Variants in FZD3 observed in about 807,000 individuals in gnomAD.
FZD3 encodes frizzled class receptor 3, also known as frizzled-3.
FZD3 carries 30 observed loss-of-function variants against 60.7 expected under a neutral mutation model. The ratio of observed to expected loss-of-function variants is 0.49; its 90% CI spans 0.37 to 0.67. FZD3 has a LOEUF of 0.67. FZD3 is among the 30% of genes least tolerant of loss of function. FZD3 has a pLI of 0.00. For synonymous variants in FZD3, 246 were observed against 275.2 expected (o/e 0.89, Z 1.05); for missense variants, 605 against 838.7 (o/e 0.72, Z 3.44).
chr8:28,539,132 T>G (rs1487663058), intron 5 of FZD3, among the ~76,000 whole-genome samples: 1 of 152,140 alleles, frequency 6.6e-6, no homozygotes, highest in African/African-American at 2.4e-5. Context: ...CCAGTATAGG[T>G]CCACACAGCA....
At chr8:28,509,271 G>T (rs919411291) in intron 3 of FZD3, among the ~76,000 whole-genome samples, 3 of 151,092 alleles carry the variant, frequency 2.0e-5, no homozygotes, top group Non-Finnish European at 3.0e-5. Flanking sequence ...CCACCTAAAG[G>T]CAGTCATTTT....
Position 28,562,931 on chromosome 8 carries a change from C to A in FZD3, c.1921C>A (p.Leu641Ile). 1 of 1,613,338 alleles carries A rather than the reference C, an allele frequency of 6.2e-7. No individual in the cohort carries two copies. Among genetic ancestry groups the A allele is most frequent in the Non-Finnish European group, 8.5e-7 (1 of 1,179,258 alleles). The change falls in exon 8 of 8, where the codon CTC becomes ATC. Residue 641 changes from leucine (L) to isoleucine (I), a missense_variant. Coordinates refer to ENST00000240093, the MANE Select transcript of FZD3 (RefSeq NM_017412.4). ...GTCACGACATAGCAGCATCAGAGAT[C>A]TCAGTAATAATCCCATGACTCATAT... The part of the protein sequence containing the change: ...EQSRHSSIRD[L>I]SNNPMTHITH...
rs543379187 is a variant in FZD3 at position 28,494,955 on chromosome 8, T to C, written c.-391+612T>C. Reference sequence around the variant, plus strand: ...CCCGTCCATCAGTTTGCAAAGTCCTTGCTCCCTTCCGCGAGCTTCCCCCGG... The same window carrying C: ...CCCGTCCATCAGTTTGCAAAGTCCTCGCTCCCTTCCGCGAGCTTCCCCCGG... On this transcript the variant is annotated intron_variant, in intron 1 of 7. Coordinates refer to ENST00000240093, the MANE Select transcript of FZD3 (RefSeq NM_017412.4). Among the ~76,000 whole-genome samples, 135 of 152,262 alleles carry C rather than the reference T, an allele frequency of 8.9e-4. 3 individuals carry two copies. Among genetic ancestry groups the C allele is most frequent in the African/African-American group, 3.2e-3 (131 of 41,554 alleles).
chr8:28,515,965 A>G (rs1804416620), intron 3 of FZD3, among the ~76,000 whole-genome samples: 1 of 152,200 alleles, frequency 6.6e-6, no homozygotes, highest in African/African-American at 2.4e-5. Flanking sequence ...TTCATATCTA[A>G]GAAACCACTG....
chr8:28,522,207 C>T (rs901545017), intron 4 of FZD3, among the ~76,000 whole-genome samples: 3 of 149,034 alleles, frequency 2.0e-5, no homozygotes, highest in South Asian at 2.1e-4. Flanking sequence ...CGGGTTCAAG[C>T]GATTCTCCTG....
chr8:28,570,235 T>G lies in FZD3; in HGVS notation c.*7224T>G, dbSNP rs998624170. 6.6e-6 allele frequency: 1 copy of G among 152,344 alleles called. No individual in the cohort carries two copies. The highest frequency in any genetic ancestry group is 1.5e-5 in the Non-Finnish European group (1 of 68,142). The allele number at this position is 152,344 out of a possible 1,614,324, so 9.4% of individuals were successfully genotyped here. ...GGCCAGACGCAGTGGCTCACGCCTG[T>G]AATCCCAGCACTTTGGGAGGCCAAG... is the stretch of plus-strand genomic sequence containing the variant. On this transcript the variant is annotated 3_prime_UTR_variant, in exon 8 of 8. Coordinates refer to ENST00000240093, the MANE Select transcript of FZD3 (RefSeq NM_017412.4).
In FZD3 at chr8:28,528,097, G is replaced by A. The variant is rs1563393284; in HGVS notation, c.1337G>A (p.Arg446Gln). ...TGCTACTTTTATGAGCAAGCTTACC[G>A]GGGCATCTGGGAAACAACGTGGATA... ...IGCYFYEQAY[R>Q]GIWETTWIQE... The change falls in exon 5 of 8, where the codon CGG becomes CAG. Residue 446 changes from arginine (R) to glutamine (Q), a missense_variant. Coordinates refer to ENST00000240093, the MANE Select transcript of FZD3 (RefSeq NM_017412.4). 5 of 1,613,846 alleles carry A rather than the reference G, an allele frequency of 3.1e-6. No individual in the cohort carries two copies. The highest frequency in any genetic ancestry group is 3.4e-6 in the Non-Finnish European group (4 of 1,179,824).
At position 28,563,203 on chromosome 8, in the gene FZD3, A is replaced by G. The variant is rs1033810844; in HGVS notation, c.*192A>G. The stretch of plus-strand genomic sequence containing the variant: ...GGAACATCAAGGCATCCAAAACACT[A>G]AGAATTCTATCATCACAAAAATAAT... On this transcript the variant is annotated 3_prime_UTR_variant, in exon 8 of 8. Transcript: ENST00000240093. 8 of 562,056 alleles carry G rather than the reference A, an allele frequency of 1.4e-5. No homozygotes were observed. The highest frequency in any genetic ancestry group is 9.1e-5 in the Admixed American group (3 of 32,818). 34.8% of individuals were successfully genotyped at this position (562,056 alleles called of 1,614,324 possible). A position where few individuals can be genotyped will look rare whatever the true frequency, so the allele number is the denominator to read the frequency against.
intron 7 of FZD3, 60 bp from the exon 8 acceptor site, chr8:28,562,738 A>G (rs945970015): frequency 6.1e-6 from 6 of 981,194 alleles, no homozygotes; most frequent in African/African-American, 3.2e-5. Context: ...GAAAATTATT[A>G]GTGTTATTAT....
intron 5 of FZD3, among the ~76,000 whole-genome samples, chr8:28,531,842 T>C (rs1034334978): frequency 2.0e-5 from 3 of 152,206 alleles, no homozygotes; most frequent in Non-Finnish European, 4.4e-5. Context: ...GCGTTACAGA[T>C]ATTTTCTGCT....
In FZD3 at chr8:28,503,193, G is replaced by A. The variant is rs1389816050; in HGVS notation, c.180G>A (p.Leu60=). The change falls in exon 3 of 8, where the codon TTG becomes TTA. Residue 60 remains leucine (L), a synonymous_variant. Transcript: ENST00000240093. ...LNHYDQQTAA[L]AMEPFHPMVN... is the part of the protein sequence containing the mutation. ...ATTATGACCAACAGACAGCAGCTTTGGCAATGGAGGTAAGACTTGATCTAT... is the reference window on the plus strand; with the variant it reads ...ATTATGACCAACAGACAGCAGCTTTAGCAATGGAGGTAAGACTTGATCTAT... 6.2e-7 allele frequency: 1 copy of A among 1,607,868 alleles called. No individual in the cohort carries two copies. The highest frequency in any genetic ancestry group is 1.1e-5 in the South Asian group (1 of 90,854).
intron 1 of FZD3, among the ~76,000 whole-genome samples, chr8:28,499,687 A>G (rs963660816): frequency 3.9e-5 from 6 of 151,982 alleles, no homozygotes; most frequent in Non-Finnish European, 5.9e-5. Context: ...ACTGTGTTCT[A>G]TCATTATTGT....
intron 7 of FZD3, among the ~76,000 whole-genome samples, chr8:28,560,542 A>T (rs1429925381): frequency 6.6e-6 from 1 of 152,130 alleles, no homozygotes; most frequent in Admixed American, 6.5e-5. Flanking sequence ...TTTCTATGAA[A>T]AATATATTAT....
chr8:28,527,136 T>C lies in FZD3; in HGVS notation c.387-11T>C. On this transcript the variant is annotated splice_polypyrimidine_tract_variant and intron_variant, in intron 4 of 7. Coordinates refer to ENST00000240093, the MANE Select transcript of FZD3 (RefSeq NM_017412.4). The surrounding 1 kb of genome is among the most constrained non-coding windows in gnomAD (Gnocchi z 5.0). ...AAGTAAAAATAGTTCTCATCTTGTT[T>C]TGTTTTTTAGGTTCCCAGATTGTGA... The C allele has an allele frequency of 6.3e-7, 1 of 1,589,376 alleles. No individual in the cohort carries two copies. Among genetic ancestry groups the C allele is most frequent in the Non-Finnish European group, 8.5e-7 (1 of 1,170,546 alleles).
chr8:28,565,655 A>G lies in FZD3; in HGVS notation c.*2644A>G, dbSNP rs1805692687. On this transcript the variant is annotated 3_prime_UTR_variant, in exon 8 of 8. Coordinates refer to ENST00000240093, the MANE Select transcript of FZD3 (RefSeq NM_017412.4). Reference sequence around the variant, plus strand: ...TAATCATTTGTATTTTCTCTATTAAATTGTGGGTATGTATGGGAATACTAT... The same window carrying G: ...TAATCATTTGTATTTTCTCTATTAAGTTGTGGGTATGTATGGGAATACTAT... 1 of 152,272 alleles carries G rather than the reference A, an allele frequency of 6.6e-6. No homozygotes were observed. Among genetic ancestry groups the G allele is most frequent in the Admixed American group, 6.5e-5 (1 of 15,296 alleles). The allele number at this position is 152,272 out of a possible 1,614,324, so 9.4% of individuals were successfully genotyped here.
At position 28,530,648 on chromosome 8, in the gene FZD3, AAAG is replaced by A. The variant is rs538373851; in HGVS notation, c.1404+2488_1404+2490del. The A allele has an allele frequency of 1.4e-4, 21 of 152,248 alleles. No homozygotes were observed. The East Asian group carries it at 4.0e-3, about 29-fold the overall frequency. 9.4% of individuals were successfully genotyped at this position (152,248 alleles called of 1,614,324 possible). On this transcript the variant is annotated intron_variant, in intron 5 of 7. Transcript: ENST00000240093. ...ATGCAATATTTGCTTCAGACTTTTT[AAAG>A]AAGTCATAGATTTAGCTGAAACTTC...
intron 3 of FZD3, among the ~76,000 whole-genome samples, chr8:28,515,193 T>C (rs1804391507): frequency 1.3e-5 from 2 of 152,216 alleles, no homozygotes; most frequent in South Asian, 4.1e-4. Flanking sequence ...TGTGTTAGCA[T>C]TGGAATGTAT....
In FZD3 at chr8:28,555,885, G is replaced by T; in HGVS notation, c.1701G>T (p.Met567Ile). The change falls in exon 7 of 8, where the codon ATG becomes ATT. Residue 567 changes from methionine (M) to isoleucine (I), a missense_variant. Physicochemically the swap from Met to Ile is conservative, Grantham distance 10. Transcript: ENST00000240093. ...STHASSTQLA[M>I]VDDQRSKAGS... ...ATGCTTCTTCAACTCAGCTGGCTATGGTGGATGATCAAAGAAGCAAAGCAG... is the reference window on the plus strand; with the variant it reads ...ATGCTTCTTCAACTCAGCTGGCTATTGTGGATGATCAAAGAAGCAAAGCAG... 6.2e-7 allele frequency: 1 copy of T among 1,613,992 alleles called. No homozygotes were observed. Among genetic ancestry groups the T allele is most frequent in the Non-Finnish European group, 8.5e-7 (1 of 1,179,924 alleles).
At chr8:28,507,454 G>A (rs1307700782) in intron 3 of FZD3, among the ~76,000 whole-genome samples, 5 of 152,118 alleles carry the variant, frequency 3.3e-5, no homozygotes, top group Admixed American at 6.5e-5. Context: ...ACATACTCCT[G>A]CCAGGAGCAC....
Sources: gnomAD v4.1 joint callset for allele counts (sites outside exome capture counted in the v4.1 genomes callset) on GRCh38, gnomAD v4.1.1 for gene constraint, Gnocchi (gnomAD v3.1) non-coding constraint, MANE v1.5 for transcripts, NCBI Gene and HGNC (gene_info 2026-07-23, HGNC 2026-07-21) for gene names.